IQSEC1: variants seen among roughly 807,000 people sequenced by gnomAD.
IQSEC1 encodes IQ motif and SEC7 domain-containing protein 1.
A neutral mutation model predicts 91.0 loss-of-function variants in IQSEC1; 31 were observed. The observed-to-expected ratio is 0.34, with a 90% CI of 0.26 to 0.46. The LOEUF is 0.46. IQSEC1 is among the 20% of genes least tolerant of loss of function. The probability of loss-of-function intolerance (pLI) is 1.00; values close to 1 mark genes in which losing one functional copy is unlikely to be tolerated. For synonymous variants in IQSEC1, 699 were observed against 662.6 expected (o/e 1.05, Z -0.84); for missense variants, 1,388 against 1,575.6 (o/e 0.88, Z 2.02).
chr3:12,985,377 C>CA (rs1470375201), intron 1 of IQSEC1, among the ~76,000 whole-genome samples: 5 of 152,200 alleles, frequency 3.3e-5, no homozygotes, highest in Non-Finnish European at 5.9e-5. Flanking sequence ...GTCAGGTCCC[C>CA]AGGCCCCGCC....
chr3:13,045,354 C>G (rs1227141423), intron 1 of IQSEC1, among the ~76,000 whole-genome samples: 1 of 152,198 alleles, frequency 6.6e-6, no homozygotes, highest in Non-Finnish European at 1.5e-5. Flanking sequence ...GCCACAGATG[C>G]TCTGTGAAGG....
chr3:12,913,599 T>C (rs1253453079), intron 8 of IQSEC1, 46 bp from the exon 9 acceptor site: 1 of 1,574,076 alleles, frequency 6.4e-7, no homozygotes, highest in Non-Finnish European at 8.7e-7. Context: ...AGCTCTCCTC[T>C]AGGAGCCCTG....
intron 1 of IQSEC1, among the ~76,000 whole-genome samples, chr3:13,056,449 T>C (rs1463847011): frequency 6.6e-6 from 1 of 152,134 alleles, no homozygotes; most frequent in Non-Finnish European, 1.5e-5. Flanking sequence ...GTCAGACCCT[T>C]CAGGTGCTGA....
intron 1 of IQSEC1, among the ~76,000 whole-genome samples, chr3:13,246,533 A>G (rs929326957): frequency 1.3e-5 from 2 of 152,230 alleles, no homozygotes; most frequent in Admixed American, 6.5e-5. Context: ...TTTTGCCACA[A>G]TGAAAAACAA....
chr3:13,169,723 A>G (rs954443566), intron 1 of IQSEC1, among the ~76,000 whole-genome samples: 1 of 152,194 alleles, frequency 6.6e-6, no homozygotes, highest in Non-Finnish European at 1.5e-5. Context: ...GACTGGCAGC[A>G]TTTTGCCTCT....
chr3:13,203,115 G>A (rs1004572494), intron 1 of IQSEC1, among the ~76,000 whole-genome samples: 1 of 152,126 alleles, frequency 6.6e-6, no homozygotes, highest in Non-Finnish European at 1.5e-5. Flanking sequence ...GGACGGAGGA[G>A]AGGCCAGGGT....
intron 1 of IQSEC1, among the ~76,000 whole-genome samples, chr3:13,189,763 C>T (rs922811988): frequency 9.9e-5 from 15 of 152,204 alleles, no homozygotes; most frequent in African/African-American, 3.1e-4. Flanking sequence ...AGGCTCTTCC[C>T]CCAGGTCCTC....
At chr3:13,179,860 G>A (rs1251766962) in intron 1 of IQSEC1, among the ~76,000 whole-genome samples, 1 of 152,210 alleles carries the variant, frequency 6.6e-6, no homozygotes, top group Non-Finnish European at 1.5e-5. Flanking sequence ...CGGCTGGCTG[G>A]CCCCGCCAGC....
intron 6 of IQSEC1, 116 bp from the exon 7 acceptor site, chr3:12,915,849 T>A: frequency 8.3e-7 from 1 of 1,206,634 alleles, no homozygotes; most frequent in Non-Finnish European, 1.2e-6. Context: ...ACCAAAGAAC[T>A]CCCAGGCAGG....
At chr3:13,086,338 C>T (rs1293572340) in intron 2 of IQSEC1, among the ~76,000 whole-genome samples, 1 of 152,210 alleles carries the variant, frequency 6.6e-6, no homozygotes, top group Non-Finnish European at 1.5e-5. Flanking sequence ...GTGAGGGCTG[C>T]TTGTCACCAT....
intron 1 of IQSEC1, among the ~76,000 whole-genome samples, chr3:12,968,257 A>T (rs1264056971): frequency 6.6e-6 from 1 of 152,072 alleles, no homozygotes; most frequent in Non-Finnish European, 1.5e-5. Context: ...CGCCCCAGAG[A>T]AGGGAATGGG....
intron 1 of IQSEC1, among the ~76,000 whole-genome samples, chr3:13,232,441 GT>G (rs1254336534): frequency 6.6e-6 from 1 of 152,224 alleles, no homozygotes; most frequent in African/African-American, 2.4e-5. Context: ...GGAAACGCTT[GT>G]AGCAGTAATT....
rs369319328 is a variant in IQSEC1 at position 13,006,125 on chromosome 3, A to AC, written c.24-64261dup. On this transcript the variant is annotated intron_variant, in intron 1 of 13. Coordinates refer to ENST00000613206, the MANE Select transcript of IQSEC1 (RefSeq NM_001134382.3). ...ACATATCTTGTGATTGCCAAATATG[A>AC]CCACAAATTCCTCCCATCCTGGTAC... Among the ~76,000 whole-genome samples the AC allele has an allele frequency of 2.9e-3, 441 of 152,266 alleles. 6 individuals carry two copies. Among genetic ancestry groups the AC allele is most frequent in the African/African-American group, 0.01 (418 of 41,554 alleles).
chr3:13,255,304 G>A lies in IQSEC1; in HGVS notation c.272+27407C>T, dbSNP rs77775709. 2.6e-4 allele frequency among the ~76,000 whole-genome samples: 39 copies of A among 152,306 alleles called. 1 individual carries two copies. In the East Asian group the frequency reaches 7.1e-3, roughly 28 times the overall value. ...GTTCCTGAGGACGGCTCTGCCTTGT[G>A]AGACGGAGGTCTGTCCCCTGATCCT... is the stretch of plus-strand genomic sequence containing the variant. On this transcript the variant is annotated intron_variant, in intron 1 of 15. Coordinates refer to the IQSEC1 transcript ENST00000648114.
chr3:13,201,077 T>C (rs557254502), intron 1 of IQSEC1, among the ~76,000 whole-genome samples: 2 of 152,322 alleles, frequency 1.3e-5, no homozygotes, highest in African/African-American at 2.4e-5. Flanking sequence ...CTGTGAGTTA[T>C]GCCATTTACT....
At chr3:12,903,666 G>T (rs953561869) in intron 12 of IQSEC1, among the ~76,000 whole-genome samples, 5 of 152,170 alleles carry the variant, frequency 3.3e-5, no homozygotes, top group Non-Finnish European at 7.4e-5. Flanking sequence ...GCCCCGCCCA[G>T]CCTCCACAGT....
intron 1 of IQSEC1, among the ~76,000 whole-genome samples, chr3:13,052,379 C>T (rs1038058354): frequency 3.9e-5 from 6 of 152,240 alleles, no homozygotes; most frequent in Non-Finnish European, 7.3e-5. Flanking sequence ...GTGGAGGGTC[C>T]GCTCTGCCTC....
At chr3:13,073,828 C>T (rs915743587), upstream of IQSEC1, among the ~76,000 whole-genome samples, 1 of 152,258 alleles carries the variant, frequency 6.6e-6, no homozygotes, top group Non-Finnish European at 1.5e-5. Flanking sequence ...CAAGCCGCGT[C>T]TCTCCTGGGA....
intron 1 of IQSEC1, among the ~76,000 whole-genome samples, chr3:12,950,467 G>T (rs1360477653): frequency 6.6e-6 from 1 of 152,144 alleles, no homozygotes; most frequent in African/African-American, 2.4e-5. Flanking sequence ...AGGAGTTTGA[G>T]ATCAGTTTGA....
Sources: allele counts gnomAD v4.1 joint callset (sites outside exome capture counted in the v4.1 genomes callset), GRCh38; gene constraint gnomAD v4.1.1; transcripts MANE v1.5; gene names NCBI Gene and HGNC (gene_info 2026-07-23, HGNC 2026-07-21).